The following JAK2 variants were observed in gnomAD, a reference collection of about 807,000 sequenced individuals.
The protein encoded by JAK2 is tyrosine-protein kinase JAK2.
Under a neutral mutation model 139.3 loss-of-function variants are expected in JAK2, and 86 were observed. That is an observed-to-expected ratio of 0.62 (90% CI 0.52 to 0.74). The LOEUF (loss-of-function observed/expected upper bound fraction) is 0.74. Among genes scored for constraint, JAK2 ranks in the 30% least tolerant of loss-of-function variants. JAK2 has a pLI of 0.00. For missense variants in JAK2, 1,421 were observed against 1,360.3 expected, an observed-to-expected ratio of 1.04 and a Z score of -0.70; for synonymous variants, 490 against 437.7, an observed-to-expected ratio of 1.12 and a Z score of -1.49.
chr9:5,053,975 CT>C (rs756693463), intron 6 of JAK2, among the ~76,000 whole-genome samples: 2 of 151,938 alleles, frequency 1.3e-5, no homozygotes, highest in Non-Finnish European at 2.9e-5. Context: ...AAATTACCTT[CT>C]TTAGAATATT....
intron 22 of JAK2, chr9:5,099,345 C>T (rs1403336025): frequency 6.6e-6 from 1 of 152,188 alleles, no homozygotes; most frequent in East Asian, 1.9e-4. Context: ...CACTGTAAAG[C>T]TATTCAGCAT....
At chr9:5,085,872 T>A in intron 19 of JAK2, 1 of 789,628 alleles carries the variant, frequency 1.3e-6, no homozygotes, top group Non-Finnish European at 2.3e-6. Context: ...TTCCTTAAGT[T>A]CTGTTGTTGA....
Position 5,086,090 on chromosome 9 carries a change from C to T in JAK2, c.2572-3584C>T, listed in dbSNP as rs542893142. The T allele has an allele frequency of 4.8e-4, 304 of 629,288 alleles. 1 individual carries two copies. Among genetic ancestry groups the T allele is most frequent in the Non-Finnish European group, 7.3e-4 (245 of 334,506 alleles). The allele number at this position is 629,288 out of a possible 1,614,324, so 39.0% of individuals were successfully genotyped here. A position where few individuals can be genotyped will look rare whatever the true frequency, so the allele number is the denominator to read the frequency against. On this transcript the variant is annotated intron_variant, in intron 19 of 24. Transcript: ENST00000381652. ...GTATCTGAGACAAGTCAAGTCCCTT[C>T]TGCCTATGAGCCTGCGCGGGCATCG... is the stretch of plus-strand genomic sequence containing the variant.
At chr9:5,095,095 A>C (rs3780369) in intron 22 of JAK2, 37,497 of 152,038 alleles carry the variant, frequency 0.25, 5,026 homozygotes, top group South Asian at 0.3. Flanking sequence ...CTGGAACTAT[A>C]GGAATTGAAC....
chr9:5,086,011 T>C, intron 19 of JAK2: 3 of 822,182 alleles, frequency 3.6e-6, no homozygotes, highest in South Asian at 2.7e-5. Context: ...AACTGTGATA[T>C]ACTATATACA....
At chr9:5,116,384 G>C (rs1211576889) in intron 22 of JAK2, among the ~76,000 whole-genome samples, 1 of 152,110 alleles carries the variant, frequency 6.6e-6, no homozygotes, top group Non-Finnish European at 1.5e-5. Flanking sequence ...AATACTTTTT[G>C]AGGAAATGTC....
chr9:5,056,495 A>G (rs911234145), intron 8 of JAK2, among the ~76,000 whole-genome samples: 24 of 152,170 alleles, frequency 1.6e-4, no homozygotes, highest in Non-Finnish European at 2.9e-4. Flanking sequence ...CCAGGGTTAT[A>G]TTACCAAAAT....
At chr9:5,056,964 A>C (rs1280871565) in intron 8 of JAK2, among the ~76,000 whole-genome samples, 1 of 152,194 alleles carries the variant, frequency 6.6e-6, no homozygotes, top group Admixed American at 6.5e-5. Flanking sequence ...TGTGACACTA[A>C]CTTCTTTGCT....
At chr9:5,085,684 T>A in intron 19 of JAK2, 2 of 739,350 alleles carry the variant, frequency 2.7e-6, no homozygotes. Flanking sequence ...GCATTATCAA[T>A]AACGTCATCG....
chr9:4,995,510 A>G (rs1031657021), intron 2 of JAK2, among the ~76,000 whole-genome samples: 2 of 152,192 alleles, frequency 1.3e-5, no homozygotes, highest in Non-Finnish European at 2.9e-5. Context: ...TTGTCAGATA[A>G]TCCTTCTTTT....
At chr9:5,125,850 A>C (rs1823954750) in intron 23 of JAK2, 1 of 143,056 alleles carries the variant, frequency 7.0e-6, no homozygotes, top group South Asian at 2.2e-4. Context: ...AATTTATAAG[A>C]GCTGTCTATA....
intron 22 of JAK2, chr9:5,111,824 G>T: frequency 2.4e-6 from 1 of 415,354 alleles, no homozygotes; most frequent in Non-Finnish European, 4.7e-6. Context: ...GGCGTCTCCA[G>T]CCACACGCCT....
chr9:5,126,844 T>C lies in JAK2; in HGVS notation c.*53T>C, dbSNP rs865810350. 1.5e-5 allele frequency: 16 copies of C among 1,046,464 alleles called. No individual in the cohort carries two copies. The highest frequency in any genetic ancestry group is 2.1e-4 in the Middle Eastern group (1 of 4,796). 64.8% of individuals were successfully genotyped at this position (1,046,464 alleles called of 1,614,324 possible). ...AGTAGATTTACAGAACAAAGTTTTA[T>C]ATTTCACATTGCTGTGGACTATTAT... is the stretch of plus-strand genomic sequence containing the variant. On this transcript the variant is annotated 3_prime_UTR_variant, in exon 25 of 25. Transcript: ENST00000381652.
chr9:5,110,208 T>A (rs1054852309), intron 22 of JAK2: 1 of 152,214 alleles, frequency 6.6e-6, no homozygotes, highest in Non-Finnish European at 1.5e-5. Flanking sequence ...CCTGCTCCAC[T>A]CCAGCACTAT....
chr9:5,119,903 G>A (rs542425489), intron 22 of JAK2, among the ~76,000 whole-genome samples: 15 of 152,134 alleles, frequency 9.9e-5, no homozygotes, highest in African/African-American at 3.6e-4. Flanking sequence ...ATGAAATGAA[G>A]TTCATTAAAT....
In JAK2 at chr9:5,102,681, T is replaced by C. The variant is rs1292902222; in HGVS notation, c.3059+11770T>C. On this transcript the variant is annotated intron_variant, in intron 22 of 24. Transcript: ENST00000381652. ...GCCCACAAAGGGAAGCCCATCAGAC[T>C]AACAGCGGATCTCTCAGCAGAAACT... Among the ~76,000 whole-genome samples, 4 of 152,322 alleles carry C rather than the reference T, an allele frequency of 2.6e-5. No individual in the cohort carries two copies. In the East Asian group the frequency reaches 7.7e-4, roughly 29 times the overall value.
At chr9:5,021,941 AC>A in intron 2 of JAK2, 21 bp from the exon 3 acceptor site, 1 of 1,434,782 alleles carries the variant, frequency 7.0e-7, no homozygotes, top group South Asian at 1.2e-5. Context: ...CCCATTTGTA[AC>A]TTTATTGTTT....
Position 5,069,047 on chromosome 9 carries a change from ACT to A in JAK2, c.1353_1354del (p.His451GlnfsTer7). The A allele has an allele frequency of 1.3e-6, 2 of 1,598,290 alleles. No homozygotes were observed. Among genetic ancestry groups the A allele is most frequent in the Non-Finnish European group, 1.7e-6 (2 of 1,171,986 alleles). On this transcript the variant is annotated frameshift_variant, in exon 11 of 25. Coordinates refer to ENST00000381652, the MANE Select transcript of JAK2 (RefSeq NM_004972.4). LOFTEE classifies it high-confidence loss of function. ...CGAGAAAATGTCATTGAATATAAAC[ACT>A]GTTTGATTACAAAAAATGAGAATGA... is the stretch of plus-strand genomic sequence containing the variant.
chr9:5,069,704 G>C (rs1818815433), intron 11 of JAK2, among the ~76,000 whole-genome samples: 1 of 152,030 alleles, frequency 6.6e-6, no homozygotes, highest in South Asian at 2.1e-4. Context: ...AATTACATTA[G>C]TTAAGGAAGT....
Sources: gnomAD v4.1 joint callset for allele counts (sites outside exome capture counted in the v4.1 genomes callset) on GRCh38, gnomAD v4.1.1 for gene constraint, MANE v1.5 for transcripts, NCBI Gene and HGNC (gene_info 2026-07-23, HGNC 2026-07-21) for gene names.